NUTM2G: variants seen among roughly 807,000 people sequenced by gnomAD.
NUTM2G encodes NUT family member 2G.
NUTM2G carries 29 observed loss-of-function variants against 44.3 expected under a neutral mutation model. The observed-to-expected ratio is 0.66, with a 90% confidence interval of 0.49 to 0.89. The LOEUF (loss-of-function observed/expected upper bound fraction) is 0.89. NUTM2G is among the 40% of genes least tolerant of loss of function. The pLI is 0.00. For missense variants in NUTM2G, 502 were observed against 946.5 expected (o/e 0.53, Z 6.16); for synonymous variants, 205 against 395.9 (o/e 0.52, Z 5.72).
At chr9:96,936,615 A>G in intron 4 of NUTM2G, 51 bp downstream of exon 4, 1 of 1,532,192 alleles carries the variant, frequency 6.5e-7, no homozygotes, top group Non-Finnish European at 8.7e-7. Context: ...CAAAGGGGCC[A>G]AGGGAGGCCA....
intron 2 of NUTM2G, among the ~76,000 whole-genome samples, chr9:96,933,182 G>A (rs572003926): frequency 6.7e-6 from 1 of 149,742 alleles, no homozygotes; most frequent in Non-Finnish European, 1.5e-5. Flanking sequence ...GTTTCACCAT[G>A]TTAGCCAGGA....
intron 2 of NUTM2G, among the ~76,000 whole-genome samples, chr9:96,934,069 C>A (rs982004109): frequency 6.6e-6 from 1 of 152,128 alleles, no homozygotes; most frequent in African/African-American, 2.4e-5. Context: ...ATTATCAGGA[C>A]TAGGCCATCT....
chr9:96,940,143 C>T (rs1157785817), downstream of NUTM2G: 1 of 136,602 alleles, frequency 7.3e-6, no homozygotes, highest in African/African-American at 2.9e-5. Flanking sequence ...GACCAGCCTG[C>T]CAGGCGCAAG....
intron 1 of NUTM2G, 52 bp from the exon 2 acceptor site, chr9:96,931,670 A>G (rs1206152952): frequency 1.0e-5 from 16 of 1,604,990 alleles, no homozygotes; most frequent in Admixed American, 6.7e-5. Flanking sequence ...CCCAGTGACT[A>G]GAGTGGACCT....
rs768232551 is a variant in NUTM2G at position 96,931,909 on chromosome 9, G to A, written c.204G>A (p.Gln68=). 8.7e-6 allele frequency: 14 copies of A among 1,612,052 alleles called. No individual in the cohort carries two copies. In the African/African-American group the frequency reaches 1.9e-4, roughly 22 times the overall value. Residue 68 remains glutamine (Q), a synonymous_variant, in exon 2 of 7, where the codon CAG becomes CAA. Coordinates refer to ENST00000372322, the MANE Select transcript of NUTM2G (RefSeq NM_001170741.3). ...CCAGCACCCCTCTAGTGGCAGGACA[G>A]GATGGCCGCGGCCCAAGTGGGGCTG... ...AFPSTPLVAG[Q]DGRGPSGAGA...
In NUTM2G at chr9:96,931,757, C is replaced by T. The variant is rs1214415059; in HGVS notation, c.52C>T (p.Pro18Ser). 13 of 1,611,588 alleles carry T rather than the reference C, an allele frequency of 8.1e-6. No homozygotes were observed. The highest frequency in any genetic ancestry group is 1.1e-5 in the South Asian group (1 of 90,982). Residue 18 changes from proline (P) to serine (S), a missense_variant, in exon 2 of 7, where the codon CCT becomes TCT. Physicochemically the swap from Pro to Ser is moderately conservative, Grantham distance 74. Coordinates refer to ENST00000372322, the MANE Select transcript of NUTM2G (RefSeq NM_001170741.3). ...PVLGPGVTVNPGTSLSVFTAL... is the reference protein window; with the variant it reads ...PVLGPGVTVNSGTSLSVFTAL... The stretch of plus-strand genomic sequence containing the variant: ...GCTGGGACCCGGCGTGACCGTGAAC[C>T]CTGGCACCTCCCTGTCTGTGTTCAC...
chr9:96,936,492 A>G lies in NUTM2G; in HGVS notation c.910A>G (p.Ser304Gly). Residue 304 changes from serine to glycine, a missense_variant, in exon 4 of 7, where the codon AGC becomes GGC. Ser to Gly is a moderately conservative substitution (Grantham distance 56). Coordinates refer to ENST00000372322, the MANE Select transcript of NUTM2G (RefSeq NM_001170741.3). ...ATCGCAGTGGATGAAGGGGCCCCAG[A>G]GCCTGCCTCCTCCAGCCCCGCCGAG... ...QKSQWMKGPQ[S>G]LPPPAPPRLE... 2 of 1,554,458 alleles carry G rather than the reference A, an allele frequency of 1.3e-6. No individual in the cohort carries two copies. The highest frequency in any genetic ancestry group is 1.4e-5 in the African/African-American group (1 of 73,934).
At chr9:96,932,670 G>C (rs987626266) in intron 2 of NUTM2G, among the ~76,000 whole-genome samples, 32 of 100,994 alleles carry the variant, frequency 3.2e-4, no homozygotes, top group Non-Finnish European at 6.0e-4. Context: ...TTTTTTTTTT[G>C]AGATGGACTT....
chr9:96,935,989 T>A (rs1826418987), intron 3 of NUTM2G, among the ~76,000 whole-genome samples: 1 of 149,886 alleles, frequency 6.7e-6, no homozygotes, highest in Admixed American at 6.7e-5. Flanking sequence ...GGCCCTGTCC[T>A]CTGGGCTCAG....
chr9:96,931,217 G>A (rs1026458899), intron 1 of NUTM2G, among the ~76,000 whole-genome samples: 5 of 151,800 alleles, frequency 3.3e-5, no homozygotes, highest in African/African-American at 1.2e-4. Context: ...GTTGTGTTGA[G>A]CTAGGAAAGA....
At chr9:96,932,535 G>A (rs561623557) in intron 2 of NUTM2G, 117 bp downstream of exon 2, 5 of 1,298,620 alleles carry the variant, frequency 3.9e-6, no homozygotes, top group Non-Finnish European at 4.4e-6. Context: ...AGGGTGATGG[G>A]TTGTGCTATG....
At position 96,928,945 on chromosome 9, in the gene NUTM2G, G is replaced by T; in HGVS notation, c.-80G>T. 4.0e-6 allele frequency: 6 copies of T among 1,503,924 alleles called. No individual in the cohort carries two copies. Among genetic ancestry groups the T allele is most frequent in the Non-Finnish European group, 5.5e-6 (6 of 1,093,886 alleles). The allele number at this position is 1,503,924 out of a possible 1,614,324, so 93.2% of individuals were successfully genotyped here. ...GACTCAGGAGGATCTGCTGAGTCAG[G>T]TCACTCTCTGGGTCCTGCCCTTGAC... On this transcript the variant is annotated 5_prime_UTR_variant, in exon 1 of 7. Coordinates refer to ENST00000372322, the MANE Select transcript of NUTM2G (RefSeq NM_001170741.3).
chr9:96,938,241 T>C, intron 6 of NUTM2G, 123 bp from the exon 7 acceptor site: 1 of 669,396 alleles, frequency 1.5e-6, no homozygotes, highest in Non-Finnish European at 2.5e-6. Context: ...ACCCTCTCTC[T>C]TTGACATGAA....
At chr9:96,936,673 C>T (rs1377340911) in intron 4 of NUTM2G, 109 bp downstream of exon 4, 2 of 1,474,142 alleles carry the variant, frequency 1.4e-6, no homozygotes, top group Non-Finnish European at 1.8e-6. Flanking sequence ...TTTGCTCCCT[C>T]CAACAGGACA....
At chr9:96,932,879 C>A (rs1204911959) in intron 2 of NUTM2G, among the ~76,000 whole-genome samples, 1 of 151,802 alleles carries the variant, frequency 6.6e-6, no homozygotes, top group Non-Finnish European at 1.5e-5. Context: ...GAACTCCCGA[C>A]CTCAGTTGAT....
At chr9:96,936,969 A>T (rs1826451736) in intron 4 of NUTM2G, 95 bp from the exon 5 acceptor site, 1 of 1,361,608 alleles carries the variant, frequency 7.3e-7, no homozygotes, top group Non-Finnish European at 9.9e-7. Flanking sequence ...CCCAGCTGGG[A>T]CCCACTTCAC....
At chr9:96,935,089 A>C (rs2262201) in intron 2 of NUTM2G, among the ~76,000 whole-genome samples, 1 of 152,358 alleles carries the variant, frequency 6.6e-6, no homozygotes, top group South Asian at 2.1e-4. Flanking sequence ...CACTGAGTTC[A>C]CTTGTCAACA....
In NUTM2G at chr9:96,935,418, C is replaced by A; in HGVS notation, c.804C>A (p.Ser268Arg). 6.2e-7 allele frequency: 1 copy of A among 1,612,054 alleles called. No homozygotes were observed. Among genetic ancestry groups the A allele is most frequent in the Non-Finnish European group, 8.5e-7 (1 of 1,179,874 alleles). ...WRAMREWQHTSNFDRMIFYEM... is the reference protein window; with the variant it reads ...WRAMREWQHTRNFDRMIFYEM... ...CCATGCGGGAATGGCAGCACACGAG[C>A]AACTTTGACCGGATGATTTTCTACG... The change falls in exon 3 of 7, where the codon AGC becomes AGA. Residue 268 changes from serine (S) to arginine (R), a missense_variant. Transcript: ENST00000372322.
In NUTM2G at chr9:96,931,959, T is replaced by G. The variant is rs1320172626; in HGVS notation, c.254T>G (p.Met85Arg). 6.2e-7 allele frequency: 1 copy of G among 1,611,816 alleles called. No individual in the cohort carries two copies. The highest frequency in any genetic ancestry group is 8.5e-7 in the Non-Finnish European group (1 of 1,179,814). The change falls in exon 2 of 7, where the codon ATG (methionine) becomes AGG (arginine). Residue 85 changes from methionine (M) to arginine (R), a missense_variant. Transcript: ENST00000372322. ...GGGGCTTCCAACGTCTTTGTCCAGA[T>G]GAGGACAGAAGTGGGGCCTGTGAAG... ...GAGASNVFVQ[M>R]RTEVGPVKPP...
Sources: allele counts gnomAD v4.1 joint callset (sites outside exome capture counted in the v4.1 genomes callset), GRCh38; gene constraint gnomAD v4.1.1; transcripts MANE v1.5; gene names NCBI Gene and HGNC (gene_info 2026-07-23, HGNC 2026-07-21).